DLG2: variants seen among roughly 807,000 people sequenced by gnomAD.
The protein encoded by DLG2 is disks large homolog 2.
DLG2 carries 45 observed loss-of-function variants against 132.5 expected under a neutral mutation model. That is an observed-to-expected ratio of 0.34 (90% CI 0.27 to 0.44). The LOEUF is 0.44. DLG2 is among the 20% of genes least tolerant of loss of function. The probability of loss-of-function intolerance (pLI) is 1.00; values close to 1 mark genes in which losing one functional copy is unlikely to be tolerated. For synonymous variants in DLG2, 424 were observed against 419.6 expected, an observed-to-expected ratio of 1.01 and a Z score of -0.13; for missense variants, 1,045 against 1,196.9, an observed-to-expected ratio of 0.87 and a Z score of 1.87.
intron 7 of DLG2, chr11:84,316,868 C>G: frequency 6.2e-7 from 1 of 1,612,816 alleles, no homozygotes; most frequent in African/African-American, 1.3e-5. Flanking sequence ...ACAATGCTCC[C>G]CACAAGTCCC....
At chr11:83,890,784 T>TA (rs1404345923) in intron 15 of DLG2, among the ~76,000 whole-genome samples, 1 of 152,130 alleles carries the variant, frequency 6.6e-6, no homozygotes, top group African/African-American at 2.4e-5. Context: ...TAGGTGTCTC[T>TA]AAATGCTGAC....
At chr11:84,337,549 G>T (rs2098492394) in intron 7 of DLG2, among the ~76,000 whole-genome samples, 2 of 151,596 alleles carry the variant, frequency 1.3e-5, no homozygotes, top group African/African-American at 2.4e-5. Flanking sequence ...TTTTTAATCT[G>T]CTTTCACATT....
chr11:84,820,095 T>C (rs1429996540), intron 6 of DLG2, among the ~76,000 whole-genome samples: 2 of 149,742 alleles, frequency 1.3e-5, no homozygotes, highest in African/African-American at 2.5e-5. Flanking sequence ...CACAAGACAA[T>C]GTACAACTGT....
chr11:83,912,168 A>T (rs1181629216), intron 15 of DLG2, among the ~76,000 whole-genome samples: 1 of 151,444 alleles, frequency 6.6e-6, no homozygotes, highest in African/African-American at 2.4e-5. Context: ...AATTATATAA[A>T]ATTTTTGTCA....
chr11:85,606,542 T>C (rs1425111659), intron 2 of DLG2, among the ~76,000 whole-genome samples: 4 of 152,064 alleles, frequency 2.6e-5, no homozygotes, highest in East Asian at 1.9e-4. Flanking sequence ...CTCTGTAAAA[T>C]GGACCAATCA....
chr11:84,225,967 C>G (rs888879283), intron 8 of DLG2, among the ~76,000 whole-genome samples: 1 of 152,034 alleles, frequency 6.6e-6, no homozygotes, highest in Non-Finnish European at 1.5e-5. Context: ...CAGGCCACCA[C>G]GCCTGGCTAA....
intron 6 of DLG2, among the ~76,000 whole-genome samples, chr11:84,643,206 G>A (rs538854589): frequency 2.0e-5 from 3 of 152,294 alleles, no homozygotes; most frequent in African/African-American, 7.2e-5. Context: ...GATGCGAGGT[G>A]ATTAGACTGC....
chr11:85,132,521 A>C (rs897014797), intron 5 of DLG2, among the ~76,000 whole-genome samples: 3 of 152,012 alleles, frequency 2.0e-5, no homozygotes, highest in Non-Finnish European at 1.5e-5. Flanking sequence ...TAAAAAAAAA[A>C]CAAAAAACAA....
intron 15 of DLG2, among the ~76,000 whole-genome samples, chr11:83,915,758 T>C (rs790359): frequency 0.81 from 122,985 of 152,094 alleles, 49,839 homozygotes; most frequent in East Asian, 0.91. Context: ...GTAAAATCAC[T>C]TATTTAAAGT....
intron 8 of DLG2, among the ~76,000 whole-genome samples, chr11:84,213,783 C>A (rs1452946246): frequency 2.1e-5 from 3 of 144,204 alleles, no homozygotes; most frequent in African/African-American, 7.8e-5. Context: ...CACGCCACTG[C>A]ACTCCAGCCT....
intron 6 of DLG2, among the ~76,000 whole-genome samples, chr11:84,882,518 A>G (rs547341793): frequency 6.6e-6 from 1 of 152,210 alleles, no homozygotes; most frequent in South Asian, 2.1e-4. Flanking sequence ...AGTAGGAAGA[A>G]TCAGAGGAGA....
chr11:84,175,590 G>C (rs1402495795), intron 8 of DLG2, among the ~76,000 whole-genome samples: 1 of 152,056 alleles, frequency 6.6e-6, no homozygotes, highest in Non-Finnish European at 1.5e-5. Flanking sequence ...CCTTTCAGCA[G>C]TTTTCAAGAT....
intron 3 of DLG2, among the ~76,000 whole-genome samples, chr11:85,353,692 C>G (rs2152885950): frequency 6.6e-6 from 1 of 152,138 alleles, no homozygotes; most frequent in South Asian, 2.1e-4. Flanking sequence ...TTTGTAGGGA[C>G]ATGGATGAAG....
chr11:84,948,000 G>A (rs1591689888), intron 6 of DLG2, among the ~76,000 whole-genome samples: 4 of 152,184 alleles, frequency 2.6e-5, no homozygotes, highest in Admixed American at 2.6e-4. Flanking sequence ...CTTCCTCTCT[G>A]ATCATAAAAT....
chr11:83,752,285 AAG>A (rs1333387835), intron 18 of DLG2, among the ~76,000 whole-genome samples: 12 of 152,034 alleles, frequency 7.9e-5, no homozygotes, highest in Admixed American at 7.9e-4. Flanking sequence ...AAAAAAAAAA[AAG>A]AGGAATAAGC....
At chr11:83,779,096 T>C (rs1343961520) in intron 18 of DLG2, among the ~76,000 whole-genome samples, 2 of 152,076 alleles carry the variant, frequency 1.3e-5, no homozygotes, top group Non-Finnish European at 2.9e-5. Flanking sequence ...AATTAGAATA[T>C]GATAACTAGA....
At chr11:85,180,002 T>C (rs917930114) in intron 4 of DLG2, among the ~76,000 whole-genome samples, 1 of 151,920 alleles carries the variant, frequency 6.6e-6, no homozygotes, top group Non-Finnish European at 1.5e-5. Flanking sequence ...CAGGTAGGCT[T>C]ATTCCAGAGT....
intron 22 of DLG2, chr11:83,480,659 CA>C: frequency 1.3e-6 from 2 of 1,540,090 alleles, no homozygotes; most frequent in Non-Finnish European, 1.8e-6. Flanking sequence ...TCTTTAATTA[CA>C]AAAAATGCAT....
intron 14 of DLG2, among the ~76,000 whole-genome samples, chr11:83,955,461 C>A (rs1314634500): frequency 6.6e-6 from 1 of 152,168 alleles, no homozygotes. Context: ...GGTGGGTAAC[C>A]AGTGAAACCC....
Sources: gnomAD v4.1 joint callset for allele counts (sites outside exome capture counted in the v4.1 genomes callset) on GRCh38, gnomAD v4.1.1 for gene constraint, MANE v1.5 for transcripts, NCBI Gene and HGNC (gene_info 2026-07-23, HGNC 2026-07-21) for gene names.